NRTN: variants seen among roughly 807,000 people sequenced by gnomAD.
NRTN encodes the protein prepro-neurturin.
Under a neutral mutation model 7.5 loss-of-function variants are expected in NRTN, and 3 were observed. The observed-to-expected ratio is 0.40, with a 90% CI of 0.18 to 1.03. NRTN has a LOEUF of 1.03. Among genes scored for constraint, NRTN ranks in the 50% least tolerant of loss-of-function variants. The pLI is 0.34. For synonymous variants in NRTN, 157 were observed against 146.6 expected, an observed-to-expected ratio of 1.07 and a Z score of -0.51; for missense variants, 310 against 307.0, an observed-to-expected ratio of 1.01 and a Z score of -0.07.
rs1018326714 is a variant in NRTN at position 5,806,293 on chromosome 19, C to T, written c.-399+842C>T. Among the ~76,000 whole-genome samples the T allele has an allele frequency of 3.3e-5, 5 of 152,076 alleles. No individual in the cohort carries two copies. Among genetic ancestry groups the T allele is most frequent in the East Asian group, 3.9e-4 (2 of 5,178 alleles). On this transcript the variant is annotated intron_variant, in intron 1 of 2. Transcript: ENST00000303212. The surrounding 1 kb of genome is among the most constrained non-coding windows in gnomAD (Gnocchi z 5.4). The stretch of plus-strand genomic sequence containing the variant: ...TGCCACCACTGTCCCCTCCCCAGAA[C>T]GCATCCGACCTGCCCACAGGCCTGT...
chr19:5,811,068 C>T (rs575378546), intron 1 of NRTN, among the ~76,000 whole-genome samples: 2 of 151,734 alleles, frequency 1.3e-5, no homozygotes, highest in Non-Finnish European at 2.9e-5. Context: ...GAAACCCCGT[C>T]TCTACTAAAA....
chr19:5,805,739 A>G (rs1338335687), intron 1 of NRTN, among the ~76,000 whole-genome samples: 2 of 151,944 alleles, frequency 1.3e-5, no homozygotes, highest in Non-Finnish European at 2.9e-5. Flanking sequence ...AAAACCTCCA[A>G]GTGTGCATCT....
chr19:5,827,950 C>A lies in NRTN; in HGVS notation c.371C>A (p.Thr124Lys), dbSNP rs769271068. The change falls in exon 3 of 3, where the codon ACG becomes AAG. Residue 124 changes from threonine to lysine, a missense_variant. Transcript: ENST00000303212. ...GGCCTGGGCTACGCGTCCGACGAGA[C>A]GGTGCTGTTCCGCTACTGCGCAGGC... ...ELGLGYASDE[T>K]VLFRYCAGAC... The A allele has an allele frequency of 2.1e-5, 31 of 1,483,808 alleles. No homozygotes were observed. The highest frequency in any genetic ancestry group is 2.8e-5 in the Non-Finnish European group (31 of 1,122,594). The allele number at this position is 1,483,808 out of a possible 1,614,324, so 91.9% of individuals were successfully genotyped here. A position where few individuals can be genotyped will look rare whatever the true frequency, so the allele number is the denominator to read the frequency against.
intron 1 of NRTN, among the ~76,000 whole-genome samples, chr19:5,809,761 C>CT (rs147434157): frequency 0.044 from 6,658 of 152,226 alleles, 213 homozygotes; most frequent in South Asian, 0.068. Flanking sequence ...TGCTGTGTGT[C>CT]TTTAAGAAAA....
At chr19:5,818,477 C>T (rs182281915) in intron 1 of NRTN, among the ~76,000 whole-genome samples, 1 of 152,050 alleles carries the variant, frequency 6.6e-6, no homozygotes, top group Non-Finnish European at 1.5e-5. Flanking sequence ...TGGGGCATCT[C>T]GCTATGTTGC....
At chr19:5,824,514 G>T (rs754364437) in intron 2 of NRTN, among the ~76,000 whole-genome samples, 180 bp downstream of exon 2, 41 of 152,290 alleles carry the variant, frequency 2.7e-4, no homozygotes, top group Non-Finnish European at 5.1e-4. Flanking sequence ...GCATGGTGGC[G>T]CCTGCCTATA....
At chr19:5,815,316 C>A (rs1568397170) in intron 1 of NRTN, among the ~76,000 whole-genome samples, 1 of 151,822 alleles carries the variant, frequency 6.6e-6, no homozygotes, top group Non-Finnish European at 1.5e-5. Flanking sequence ...TGTGAAAACA[C>A]CCTGGTTTTT....
chr19:5,824,933 T>A, intron 2 of NRTN, among the ~76,000 whole-genome samples: 1 of 151,994 alleles, frequency 6.6e-6, no homozygotes, highest in Non-Finnish European at 1.5e-5. Flanking sequence ...TGCCCTGAGG[T>A]CCCGTGGGGG....
intron 1 of NRTN, among the ~76,000 whole-genome samples, chr19:5,821,130 C>T (rs2057023199): frequency 6.6e-6 from 1 of 152,162 alleles, no homozygotes; most frequent in African/African-American, 2.4e-5. Flanking sequence ...AATCTAGCCC[C>T]ATTCAGGACA....
intron 1 of NRTN, among the ~76,000 whole-genome samples, chr19:5,821,845 A>G (rs1322670972): frequency 6.6e-6 from 1 of 152,158 alleles, no homozygotes; most frequent in African/African-American, 2.4e-5. Context: ...AAGTACCACC[A>G]ATAGTGCTGA....
chr19:5,814,536 G>A (rs769336914), intron 1 of NRTN, among the ~76,000 whole-genome samples: 2 of 152,176 alleles, frequency 1.3e-5, no homozygotes, highest in Non-Finnish European at 2.9e-5. Context: ...GGGTGTGCCC[G>A]GCAGGTGTCC....
At chr19:5,823,035 A>G (rs1487374943) in intron 1 of NRTN, among the ~76,000 whole-genome samples, 3 of 149,642 alleles carry the variant, frequency 2.0e-5, no homozygotes, top group South Asian at 2.1e-4. Flanking sequence ...AAAAAAAAGA[A>G]AGAGAGAGAG....
intron 1 of NRTN, among the ~76,000 whole-genome samples, chr19:5,819,898 G>C (rs2057017515): frequency 6.6e-6 from 1 of 151,928 alleles, no homozygotes; most frequent in South Asian, 2.1e-4. Flanking sequence ...TAGGACGCTT[G>C]TAAGGTTGGA....
intron 1 of NRTN, among the ~76,000 whole-genome samples, chr19:5,816,351 T>C (rs182251058): frequency 5.0e-4 from 76 of 152,266 alleles, no homozygotes; most frequent in Admixed American, 4.5e-3. Context: ...TTGACTCTTT[T>C]TGTCTTTTCT....
chr19:5,818,020 G>T (rs1055945250), intron 1 of NRTN, among the ~76,000 whole-genome samples: 3 of 152,020 alleles, frequency 2.0e-5, no homozygotes, highest in Non-Finnish European at 4.4e-5. Flanking sequence ...CTGGAGTGCA[G>T]TGGGGAGATC....
chr19:5,811,187 G>A lies in NRTN; in HGVS notation c.-399+5736G>A, dbSNP rs964516693. ...CCCAGAGGTGGGGTTGCAGTGAGCCGAGATCGTGCAACTGCACTCCACAGC... is the reference window on the plus strand; with the variant it reads ...CCCAGAGGTGGGGTTGCAGTGAGCCAAGATCGTGCAACTGCACTCCACAGC... On this transcript the variant is annotated intron_variant, in intron 1 of 2. Transcript: ENST00000303212. Among the ~76,000 whole-genome samples the A allele has an allele frequency of 3.9e-5, 6 of 152,228 alleles. No individual in the cohort carries two copies. The East Asian group carries it at 1.2e-3, about 29-fold the overall frequency.
chr19:5,823,156 C>T (rs2144766127), intron 1 of NRTN, among the ~76,000 whole-genome samples: 1 of 152,208 alleles, frequency 6.6e-6, no homozygotes, highest in East Asian at 1.9e-4. Context: ...GTGGCTCATG[C>T]CTGTAATCCC....
At chr19:5,826,841 G>A (rs1249578319) in intron 2 of NRTN, among the ~76,000 whole-genome samples, 2 of 152,234 alleles carry the variant, frequency 1.3e-5, no homozygotes, top group African/African-American at 4.8e-5. Context: ...GAGTGTGGGA[G>A]AAAGCGGCTG....
chr19:5,826,025 C>A (rs2057044724), intron 2 of NRTN, among the ~76,000 whole-genome samples: 1 of 152,100 alleles, frequency 6.6e-6, no homozygotes, highest in African/African-American at 2.4e-5. Flanking sequence ...GTCCCAGCTA[C>A]TCGGGAGGCT....
Sources: allele counts gnomAD v4.1 joint callset (sites outside exome capture counted in the v4.1 genomes callset), GRCh38; gene constraint gnomAD v4.1.1; non-coding constraint Gnocchi (gnomAD v3.1); transcripts MANE v1.5; gene names NCBI Gene and HGNC (gene_info 2026-07-23, HGNC 2026-07-21).